MAP3K21: variants seen among roughly 807,000 people sequenced by gnomAD.
MAP3K21 encodes the protein mitogen-activated protein kinase kinase kinase MLK4.
In MAP3K21, 63 loss-of-function variants were observed where a neutral mutation model predicts 86.1. The observed-to-expected ratio is 0.73, with a 90% CI of 0.60 to 0.90. MAP3K21 has a LOEUF of 0.90. MAP3K21 is among the 40% of genes least tolerant of loss of function. MAP3K21 has a pLI of 0.00. For synonymous variants in MAP3K21, 558 were observed against 564.8 expected (o/e 0.99, Z 0.17); for missense variants, 1,220 against 1,367.7 (o/e 0.89, Z 1.70).
intron 1 of MAP3K21, among the ~76,000 whole-genome samples, chr1:233,330,220 T>C (rs2102755907): frequency 6.6e-6 from 1 of 152,366 alleles, no homozygotes; most frequent in Admixed American, 6.5e-5. Flanking sequence ...TTAGGTTTTA[T>C]TTCATGATCC....
chr1:233,350,430 G>A (rs1663229309), intron 2 of MAP3K21, among the ~76,000 whole-genome samples: 1 of 151,976 alleles, frequency 6.6e-6, no homozygotes. Flanking sequence ...TATCCGGATG[G>A]GCAAAAGCAG....
At chr1:233,357,537 A>G (rs1663383482) in intron 4 of MAP3K21, among the ~76,000 whole-genome samples, 1 of 152,234 alleles carries the variant, frequency 6.6e-6, no homozygotes, top group Non-Finnish European at 1.5e-5. Context: ...ACGTAAGACC[A>G]TGACACCACT....
chr1:233,346,352 C>T (rs1663138999), intron 1 of MAP3K21, 90 bp from the exon 2 acceptor site: 1 of 958,438 alleles, frequency 1.0e-6, no homozygotes, highest in Non-Finnish European at 1.6e-6. Context: ...CTGCCAACTA[C>T]AGTGAAGATT....
At chr1:233,356,617 G>A (rs1306652134) in intron 4 of MAP3K21, among the ~76,000 whole-genome samples, 1 of 152,128 alleles carries the variant, frequency 6.6e-6, no homozygotes, top group Non-Finnish European at 1.5e-5. Flanking sequence ...ACTCACACAT[G>A]TGCCCAAGGA....
At chr1:233,377,325 G>A (rs545197626) in intron 8 of MAP3K21, among the ~76,000 whole-genome samples, 19 of 152,274 alleles carry the variant, frequency 1.2e-4, no homozygotes, top group Admixed American at 5.9e-4. Flanking sequence ...CATTTAGGCA[G>A]ACTCTTTGGT....
intron 2 of MAP3K21, among the ~76,000 whole-genome samples, chr1:233,351,610 C>T (rs1663253962): frequency 6.6e-6 from 1 of 151,382 alleles, no homozygotes; most frequent in African/African-American, 2.4e-5. Flanking sequence ...AGGAGAATCA[C>T]TTGAACCCAG....
Position 233,342,566 on chromosome 1 carries a change from T to C in MAP3K21, c.806-3876T>C, listed in dbSNP as rs73094909. Among the ~76,000 whole-genome samples the C allele has an allele frequency of 6.4e-3, 981 of 152,344 alleles. 12 individuals are homozygous for C. The highest frequency in any genetic ancestry group is 0.023 in the African/African-American group (941 of 41,588). On this transcript the variant is annotated intron_variant, in intron 1 of 9. Transcript: ENST00000366624. ...TACATTTCCTGCGATTAAAGTAGCT[T>C]GTACATAGCTTTGTTAGAGAAGTCT...
At chr1:233,333,276 A>G (rs1284275122) in intron 1 of MAP3K21, among the ~76,000 whole-genome samples, 2 of 152,186 alleles carry the variant, frequency 1.3e-5, no homozygotes, top group African/African-American at 4.8e-5. Flanking sequence ...GCTTCATGCT[A>G]TAGCTGCTTC....
chr1:233,334,808 G>A (rs1255213064), intron 1 of MAP3K21, among the ~76,000 whole-genome samples: 1 of 152,152 alleles, frequency 6.6e-6, no homozygotes, highest in Non-Finnish European at 1.5e-5. Flanking sequence ...TACTATCATA[G>A]ATTGTCAGAA....
intron 1 of MAP3K21, among the ~76,000 whole-genome samples, chr1:233,342,246 C>G (rs1663050997): frequency 6.6e-6 from 1 of 152,210 alleles, no homozygotes; most frequent in South Asian, 2.1e-4. Context: ...CTGAGCAGAA[C>G]AGAAAAGGGC....
chr1:233,328,875 G>A lies in MAP3K21; in HGVS notation c.805+42G>A. 1.4e-6 allele frequency: 2 copies of A among 1,443,320 alleles called. No individual in the cohort carries two copies. The highest frequency in any genetic ancestry group is 1.8e-6 in the Non-Finnish European group (2 of 1,092,084). The allele number at this position is 1,443,320 out of a possible 1,614,324, so 89.4% of individuals were successfully genotyped here. On this transcript the variant is annotated intron_variant, in intron 1 of 9. Transcript: ENST00000366624. The surrounding 1 kb of genome is among the most constrained non-coding windows in gnomAD (Gnocchi z 8.7). ...GGAGGTGGGGGAAGACTACCTCCGT[G>A]CCAGCCCAGGCGGGCTCCACAGGAC...
At chr1:233,371,827 T>C (rs1293522605) in intron 5 of MAP3K21, among the ~76,000 whole-genome samples, 2 of 151,732 alleles carry the variant, frequency 1.3e-5, no homozygotes, top group Admixed American at 1.3e-4. Context: ...GATTCATTAT[T>C]TGTGTGACTA....
At chr1:233,332,589 G>T (rs1026452025) in intron 1 of MAP3K21, among the ~76,000 whole-genome samples, 1 of 152,138 alleles carries the variant, frequency 6.6e-6, no homozygotes, top group African/African-American at 2.4e-5. Context: ...GGCTTTCAAG[G>T]TTGTCTATAT....
chr1:233,339,530 G>A (rs1211907647), intron 1 of MAP3K21, among the ~76,000 whole-genome samples: 1 of 147,310 alleles, frequency 6.8e-6, no homozygotes, highest in Non-Finnish European at 1.5e-5. Context: ...GTCCAGGCTG[G>A]AGTGCAGCAG....
chr1:233,339,310 T>TCCC lies in MAP3K21; in HGVS notation c.806-7132_806-7131insCCC, dbSNP rs1382397427. Among the ~76,000 whole-genome samples the TCCC allele has an allele frequency of 1.7e-4, 23 of 138,194 alleles. 1 individual carries two copies. The highest frequency in any genetic ancestry group is 6.9e-4 in the South Asian group (3 of 4,360). 90.7% of individuals were successfully genotyped at this position (138,194 alleles called of 152,430 possible). On this transcript the variant is annotated intron_variant, in intron 1 of 9. Coordinates refer to ENST00000366624, the MANE Select transcript of MAP3K21 (RefSeq NM_032435.3). ...CTTCTTCCTCTTCTTCTTCCTCTTC[T>TCCC]TCTTCCTCTTCTTCTTCTTCCTCTT... is the stretch of plus-strand genomic sequence containing the variant.
At chr1:233,333,898 C>G (rs1662861008) in intron 1 of MAP3K21, among the ~76,000 whole-genome samples, 1 of 152,214 alleles carries the variant, frequency 6.6e-6, no homozygotes, top group South Asian at 2.1e-4. Flanking sequence ...GAGTCTCGCT[C>G]TGTCCCCAGG....
intron 5 of MAP3K21, among the ~76,000 whole-genome samples, chr1:233,364,276 A>G (rs555928007): frequency 1.3e-5 from 2 of 152,246 alleles, no homozygotes; most frequent in South Asian, 4.1e-4. Context: ...TAGAGAATAG[A>G]CTATTTATTT....
intron 5 of MAP3K21, among the ~76,000 whole-genome samples, chr1:233,366,786 C>T (rs1214801113): frequency 2.0e-5 from 3 of 152,102 alleles, no homozygotes; most frequent in African/African-American, 4.8e-5. Context: ...TACTGCTGAT[C>T]GTTTTTAATC....
At chr1:233,375,155 G>A (rs1663767030) in intron 6 of MAP3K21, among the ~76,000 whole-genome samples, 1 of 151,926 alleles carries the variant, frequency 6.6e-6, no homozygotes, top group South Asian at 2.1e-4. Context: ...TGTTGGCCAG[G>A]CTGGTCTCGA....
Sources: allele counts gnomAD v4.1 joint callset (sites outside exome capture counted in the v4.1 genomes callset), GRCh38; gene constraint gnomAD v4.1.1; non-coding constraint Gnocchi (gnomAD v3.1); transcripts MANE v1.5; gene names NCBI Gene and HGNC (gene_info 2026-07-23, HGNC 2026-07-21).